Variants in DLG5 observed in about 807,000 individuals in gnomAD.
DLG5 encodes the protein disks large homolog 5.
DLG5 carries 48 observed loss-of-function variants against 189.8 expected under a neutral mutation model. The observed-to-expected ratio is 0.25, with a 90% CI of 0.20 to 0.32. DLG5 has a LOEUF of 0.32. Among genes scored for constraint, DLG5 ranks in the 10% least tolerant of loss-of-function variants. The pLI is 1.00. For synonymous variants in DLG5, 1,016 were observed against 1,054.1 expected, an observed-to-expected ratio of 0.96 and a Z score of 0.70; for missense variants, 2,160 against 2,544.7, an observed-to-expected ratio of 0.85 and a Z score of 3.25.
At chr10:77,802,280 C>T (rs1299196113) in intron 27 of DLG5, among the ~76,000 whole-genome samples, 3 of 152,126 alleles carry the variant, frequency 2.0e-5, no homozygotes, top group Non-Finnish European at 4.4e-5. Flanking sequence ...AGCCAGGGAC[C>T]AGGAATGATA....
At chr10:77,899,552 A>C (rs144991624) in intron 1 of DLG5, among the ~76,000 whole-genome samples, 1 of 152,288 alleles carries the variant, frequency 6.6e-6, no homozygotes, top group East Asian at 1.9e-4. Context: ...CGGGGCACAC[A>C]TGAGTGGTCA....
At chr10:77,814,383 T>C (rs1841931787) in intron 20 of DLG5, among the ~76,000 whole-genome samples, 1 of 149,038 alleles carries the variant, frequency 6.7e-6, no homozygotes, top group African/African-American at 2.5e-5. Flanking sequence ...GTTTATAAAG[T>C]ATACTTAAAC....
intron 1 of DLG5, among the ~76,000 whole-genome samples, chr10:77,914,208 A>G (rs537135367): frequency 6.6e-6 from 1 of 152,334 alleles, no homozygotes; most frequent in Non-Finnish European, 1.5e-5. Context: ...TCTTTTGAGC[A>G]GCCCAGAGAA....
Position 77,817,802 on chromosome 10 carries a change from G to C in DLG5, c.3759C>G (p.Asn1253Lys). ...CCAGGCGGGCGCTGGAGGGCAGTGA[G>C]TTGGACCCATGGGTGGCTCTCATCT... ...YSEMRATHGSNSLPSSARLGS... is the reference protein window; with the variant it reads ...YSEMRATHGSKSLPSSARLGS... The change falls in exon 18 of 32, where the codon AAC (asparagine) becomes AAG (lysine). Residue 1253 changes from asparagine to lysine, a missense_variant. Physicochemically the swap from Asn to Lys is moderately conservative, Grantham distance 94 (BLOSUM62 0). This residue lies in a region of DLG5 where 754 missense variants were observed against 746.5 expected (regional missense o/e 1.01). Transcript: ENST00000372391. 6.4e-7 allele frequency: 1 copy of C among 1,555,256 alleles called. No individual in the cohort carries two copies. The highest frequency in any genetic ancestry group is 8.7e-7 in the Non-Finnish European group (1 of 1,148,772).
chr10:77,867,230 C>A (rs1420116763), intron 2 of DLG5: 1 of 392,890 alleles, frequency 2.5e-6, no homozygotes, highest in Admixed American at 2.8e-5. Context: ...GCAGTAATTG[C>A]TATGGGTTAG....
At chr10:77,831,324 G>C (rs1466422993) in intron 9 of DLG5, among the ~76,000 whole-genome samples, 1 of 152,120 alleles carries the variant, frequency 6.6e-6, no homozygotes, top group African/African-American at 2.4e-5. Context: ...ACTTGAATCA[G>C]GGAGGCAGAG....
chr10:77,932,989 T>G, the DLG5 span, among the ~76,000 whole-genome samples: 1 of 152,184 alleles, frequency 6.6e-6, no homozygotes, highest in Non-Finnish European at 1.5e-5. Flanking sequence ...GCTCAGAAAT[T>G]CAGACCTAAA....
intron 6 of DLG5, among the ~76,000 whole-genome samples, chr10:77,842,417 G>T (rs940240932): frequency 1.3e-5 from 2 of 152,108 alleles, no homozygotes; most frequent in Admixed American, 1.3e-4. Context: ...TTGAACTGAG[G>T]ACTTCATGCC....
At chr10:77,930,867 C>A (rs191766969), upstream of DLG5, among the ~76,000 whole-genome samples, 40 of 132,314 alleles carry the variant, frequency 3.0e-4, no homozygotes, top group African/African-American at 1.1e-3. Context: ...GTTGCCCAGG[C>A]TGGAGTGCAA....
upstream of DLG5, chr10:77,929,642 CAG>C (rs1432510028): frequency 1.3e-5 from 2 of 152,176 alleles, no homozygotes; most frequent in Non-Finnish European, 2.9e-5. Context: ...GAAGATGGAT[CAG>C]AGACAGAAGT....
At chr10:77,828,791 A>G (rs1006655759) in intron 13 of DLG5, 91 bp downstream of exon 13, 8 of 1,260,018 alleles carry the variant, frequency 6.3e-6, no homozygotes, top group Non-Finnish European at 9.1e-6. Flanking sequence ...AGGAAAATAT[A>G]AAAACTTTGC....
chr10:77,835,949 G>A (rs765757450), intron 7 of DLG5, 27 bp from the exon 8 acceptor site: 2 of 1,594,408 alleles, frequency 1.3e-6, no homozygotes, highest in South Asian at 2.2e-5. Flanking sequence ...GCAGGAAGAG[G>A]GAGAGGTTGC....
At chr10:77,909,713 C>T (rs866281943) in intron 1 of DLG5, among the ~76,000 whole-genome samples, 15 of 151,952 alleles carry the variant, frequency 9.9e-5, no homozygotes, top group South Asian at 2.1e-4. Flanking sequence ...ATACTCACAC[C>T]CACAGCCCCT....
At chr10:77,885,088 A>G (rs999361729) in intron 1 of DLG5, among the ~76,000 whole-genome samples, 3 of 152,072 alleles carry the variant, frequency 2.0e-5, no homozygotes, top group Non-Finnish European at 4.4e-5. Context: ...TCCCCCCACA[A>G]ATAAAGATAA....
chr10:77,874,733 T>TA (rs567750696), intron 1 of DLG5, among the ~76,000 whole-genome samples: 3 of 152,306 alleles, frequency 2.0e-5, no homozygotes, highest in African/African-American at 7.2e-5. Flanking sequence ...AGATAAGGGA[T>TA]ATTCTGCCTG....
Position 77,830,181 on chromosome 10 carries a change from C to A in DLG5, c.2009+36G>T, listed in dbSNP as rs376472948. On this transcript the variant is annotated intron_variant, in intron 11 of 31. Coordinates refer to ENST00000372391, the MANE Select transcript of DLG5 (RefSeq NM_004747.4). ...GTCCTCTGCACTGGGAAGAAGGGCC[C>A]CACCTTGCCTCCAGAGCCTGGGCCT... 8.1e-6 allele frequency: 13 copies of A among 1,612,684 alleles called. No homozygotes were observed. The African/African-American group carries it at 1.3e-4, about 17-fold the overall frequency.
chr10:77,936,344 A>T, the DLG5 span, among the ~76,000 whole-genome samples: 1 of 151,684 alleles, frequency 6.6e-6, no homozygotes, highest in Non-Finnish European at 1.5e-5. Context: ...AGGCAGAGGC[A>T]GGAGAATCCC....
intron 10 of DLG5, 88 bp downstream of exon 10, chr10:77,830,651 AGT>A: frequency 1.3e-6 from 2 of 1,541,932 alleles, no homozygotes; most frequent in South Asian, 2.5e-5. Context: ...CCAAACTTGG[AGT>A]GGTGAAACTG....
intron 2 of DLG5, among the ~76,000 whole-genome samples, chr10:77,861,362 T>A (rs748639358): frequency 6.6e-6 from 1 of 152,194 alleles, no homozygotes; most frequent in Non-Finnish European, 1.5e-5. Context: ...CCAGGCCCAG[T>A]AACCTGCCTT....
Sources: gnomAD v4.1 joint callset for allele counts (sites outside exome capture counted in the v4.1 genomes callset) on GRCh38, gnomAD v4.1.1 for gene constraint, gnomAD v4.1.1 regional missense constraint, MANE v1.5 for transcripts, NCBI Gene and HGNC (gene_info 2026-07-23, HGNC 2026-07-21) for gene names.